The following DNAH11 variants were observed in gnomAD, a reference collection of about 807,000 sequenced individuals.
The protein encoded by DNAH11 is dynein axonemal heavy chain 11.
A neutral mutation model predicts 526.0 loss-of-function variants in DNAH11; 442 were observed. That is an observed-to-expected ratio of 0.84 (90% CI 0.78 to 0.91). The LOEUF is 0.91. Among genes scored for constraint, DNAH11 ranks in the 40% least tolerant of loss-of-function variants. The pLI is 0.00. For synonymous variants in DNAH11, 2,461 were observed against 1,935.9 expected (o/e 1.27, Z -7.12); for missense variants, 6,989 against 5,448.7 (o/e 1.28, Z -8.90).
intron 39 of DNAH11, among the ~76,000 whole-genome samples, chr7:21,707,198 T>C (rs1034211088): frequency 1.3e-5 from 2 of 152,210 alleles, no homozygotes; most frequent in East Asian, 1.9e-4. Flanking sequence ...ACCAGCATCA[T>C]TGGCATTAGC....
chr7:21,723,054 G>A (rs889315584), intron 44 of DNAH11, among the ~76,000 whole-genome samples: 5 of 152,152 alleles, frequency 3.3e-5, no homozygotes, highest in African/African-American at 7.2e-5. Context: ...AGCAGCAATA[G>A]CAGCTTAACA....
At chr7:21,666,396 G>A (rs1001128663) in intron 30 of DNAH11, among the ~76,000 whole-genome samples, 1 of 152,024 alleles carries the variant, frequency 6.6e-6, no homozygotes, top group East Asian at 1.9e-4. Context: ...TTATTGAGCT[G>A]TGTGAAAATC....
chr7:21,551,177 C>G (rs946179121), intron 2 of DNAH11, among the ~76,000 whole-genome samples: 1 of 152,144 alleles, frequency 6.6e-6, no homozygotes, highest in African/African-American at 2.4e-5. Flanking sequence ...AGTTTGACCC[C>G]TATCCTGTCT....
chr7:21,685,912 C>T (rs190944116), intron 32 of DNAH11, among the ~76,000 whole-genome samples: 16 of 152,308 alleles, frequency 1.1e-4, no homozygotes, highest in Middle Eastern at 3.4e-3. Flanking sequence ...AGTTTGGTCA[C>T]TTGGCAACTC....
intron 28 of DNAH11, among the ~76,000 whole-genome samples, chr7:21,640,222 C>G (rs1259923135): frequency 6.6e-6 from 1 of 152,190 alleles, no homozygotes; most frequent in Non-Finnish European, 1.5e-5. Flanking sequence ...TCTACTATAT[C>G]CGTCTTTTAC....
chr7:21,887,487 A>G (rs1373464873), intron 76 of DNAH11, among the ~76,000 whole-genome samples: 1 of 152,214 alleles, frequency 6.6e-6, no homozygotes, highest in Non-Finnish European at 1.5e-5. Flanking sequence ...AACAAAGACA[A>G]AAAACACCTG....
At chr7:21,697,497 A>C (rs1317827695) in intron 35 of DNAH11, among the ~76,000 whole-genome samples, 2 of 152,174 alleles carry the variant, frequency 1.3e-5, no homozygotes, top group South Asian at 2.1e-4. Flanking sequence ...TGGATTAAAA[A>C]CAAAGGTGAT....
chr7:21,896,995 A>G (rs930383124), intron 79 of DNAH11, among the ~76,000 whole-genome samples: 2 of 152,066 alleles, frequency 1.3e-5, no homozygotes, highest in Non-Finnish European at 2.9e-5. Flanking sequence ...GGATTGCTTG[A>G]GCCCAAGAGG....
intron 30 of DNAH11, among the ~76,000 whole-genome samples, chr7:21,671,807 AT>A (rs780923409): frequency 1.3e-5 from 2 of 152,234 alleles, no homozygotes; most frequent in Non-Finnish European, 2.9e-5. Context: ...AACTTAAAAA[AT>A]ATCTACCAGA....
Position 21,720,808 on chromosome 7 carries a change from T to G in DNAH11, c.7218T>G (p.Phe2406Leu), listed in dbSNP as rs775857825. The change falls in exon 44 of 82, where the codon TTT becomes TTG. Residue 2406 changes from phenylalanine to leucine, a missense_variant. Phe to Leu is a conservative substitution (Grantham distance 22). Transcript: ENST00000409508. The stretch of plus-strand genomic sequence containing the variant: ...CAAAAGAAGTTTATGAAGTCTATTT[T>G]GTATTTGCTTGTATCTGGGCTTTTG... The part of the protein sequence containing the change: ...DSPKEVYEVY[F>L]VFACIWAFGG... The G allele has an allele frequency of 1.2e-6, 2 of 1,612,568 alleles. No individual in the cohort carries two copies. The highest frequency in any genetic ancestry group is 4.5e-5 in the East Asian group (2 of 44,860).
intron 65 of DNAH11, among the ~76,000 whole-genome samples, chr7:21,820,972 G>A (rs1334308353): frequency 6.6e-6 from 1 of 152,176 alleles, no homozygotes; most frequent in Admixed American, 6.5e-5. Flanking sequence ...AATAATTGCA[G>A]TAATCCATTT....
intron 76 of DNAH11, among the ~76,000 whole-genome samples, chr7:21,889,866 G>T (rs1784269723): frequency 6.6e-6 from 1 of 152,220 alleles, no homozygotes; most frequent in Non-Finnish European, 1.5e-5. Flanking sequence ...TGGGAAAGGA[G>T]AAAGTCTAGA....
At chr7:21,729,429 T>C (rs145090822) in intron 45 of DNAH11, among the ~76,000 whole-genome samples, 8 of 152,358 alleles carry the variant, frequency 5.3e-5, no homozygotes, top group African/African-American at 1.9e-4. Context: ...TCTCATGTTC[T>C]GCGTATGGAC....
intron 2 of DNAH11, 114 bp downstream of exon 2, chr7:21,545,263 A>C (rs1583469396): frequency 9.1e-6 from 2 of 220,484 alleles, no homozygotes; most frequent in South Asian, 4.3e-5. Context: ...AGGGAAGGGG[A>C]TGGGGGTGGT....
At chr7:21,806,063 A>G (rs187135245) in intron 62 of DNAH11, among the ~76,000 whole-genome samples, 7 of 152,334 alleles carry the variant, frequency 4.6e-5, no homozygotes, top group Admixed American at 1.3e-4. Context: ...TCTATAATGC[A>G]TTAGAATAAA....
chr7:21,791,412 C>T (rs758680142), intron 61 of DNAH11, among the ~76,000 whole-genome samples: 7 of 152,158 alleles, frequency 4.6e-5, no homozygotes, highest in Non-Finnish European at 1.0e-4. Context: ...TATGATCCAA[C>T]CTTTCGCAAC....
At chr7:21,695,508 T>G (rs1783811662) in intron 35 of DNAH11, among the ~76,000 whole-genome samples, 1 of 152,176 alleles carries the variant, frequency 6.6e-6, no homozygotes, top group Non-Finnish European at 1.5e-5. Flanking sequence ...ATTCCGTATT[T>G]AATAAATGGT....
At chr7:21,627,536 T>C (rs1786396173) in intron 25 of DNAH11, among the ~76,000 whole-genome samples, 1 of 152,212 alleles carries the variant, frequency 6.6e-6, no homozygotes, top group African/African-American at 2.4e-5. Context: ...GAAAAGACTG[T>C]CCTTTCCCCA....
intron 77 of DNAH11, among the ~76,000 whole-genome samples, chr7:21,894,144 C>G (rs752803238): frequency 1.1e-4 from 16 of 152,218 alleles, no homozygotes; most frequent in Admixed American, 7.2e-4. Flanking sequence ...CCATCCTGGC[C>G]TCCCAAAGTG....
Sources: allele counts gnomAD v4.1 joint callset (sites outside exome capture counted in the v4.1 genomes callset), GRCh38; gene constraint gnomAD v4.1.1; transcripts MANE v1.5; gene names NCBI Gene and HGNC (gene_info 2026-07-23, HGNC 2026-07-21).